Variants in GPHN observed in about 807,000 individuals in gnomAD.
The protein encoded by GPHN is gephyrin.
In GPHN, 17 loss-of-function variants were observed where a neutral mutation model predicts 95.5. The observed-to-expected ratio is 0.18, with a 90% confidence interval of 0.12 to 0.27. The LOEUF (loss-of-function observed/expected upper bound fraction) is 0.27. Ranked by LOEUF, GPHN falls within the 10% of genes least tolerant of loss-of-function variation. The pLI, the probability that GPHN is intolerant of heterozygous loss-of-function variation, is 1.00. For missense variants in GPHN, 660 were observed against 978.1 expected (o/e 0.67, Z 4.34); for synonymous variants, 320 against 322.5 (o/e 0.99, Z 0.08).
chr14:67,259,535 TCAGGAGG>T, the GPHN span, among the ~76,000 whole-genome samples: 2 of 151,906 alleles, frequency 1.3e-5, no homozygotes, highest in African/African-American at 4.8e-5. Context: ...TTGCGTGAAC[TCAGGAGG>T]CAGAGGTTGC....
At chr14:67,475,166 TG>T in the GPHN span, among the ~76,000 whole-genome samples, 2 of 152,208 alleles carry the variant, frequency 1.3e-5, no homozygotes, top group Admixed American at 1.3e-4. Context: ...CCGCCCGCCT[TG>T]GCCTCCCAAA....
the GPHN span, among the ~76,000 whole-genome samples, chr14:67,577,130 G>T: frequency 6.6e-6 from 1 of 152,166 alleles, no homozygotes; most frequent in Admixed American, 6.5e-5. Context: ...GGTGCTCATT[G>T]CAGTGCCCAC....
chr14:66,657,616 G>A (rs2065379866), intron 1 of GPHN, among the ~76,000 whole-genome samples: 1 of 152,068 alleles, frequency 6.6e-6, no homozygotes, highest in Admixed American at 6.6e-5. Flanking sequence ...GTAAATCATA[G>A]GTCCCTTAAG....
Position 66,697,972 on chromosome 14 carries a change from C to T in GPHN, c.143+16787C>T, listed in dbSNP as rs571234706. On this transcript the variant is annotated intron_variant, in intron 2 of 22. Coordinates refer to ENST00000478722, the MANE Select transcript of GPHN (RefSeq NM_020806.5). ...AGCCTCCCAAAGTGCTGGGAATGAG[C>T]CACTGTGCCCAGCCTGCTGCCTGGT... 5.3e-5 allele frequency among the ~76,000 whole-genome samples: 8 copies of T among 152,082 alleles called. No individual in the cohort carries two copies. In the East Asian group the frequency reaches 1.5e-3, roughly 29 times the overall value.
rs1056191733 is a variant in GPHN, at chr14:67,075,072, A to G, written c.1145-13911A>G. Reference sequence around the variant, plus strand: ...GATGCCTTCTAGGACTTTCATTGCTATAGAGGAAAAATTAATTCCTGTCTT... The same window carrying G: ...GATGCCTTCTAGGACTTTCATTGCTGTAGAGGAAAAATTAATTCCTGTCTT... On this transcript the variant is annotated intron_variant, in intron 11 of 22. Coordinates refer to ENST00000478722, the MANE Select transcript of GPHN (RefSeq NM_020806.5). Among the ~76,000 whole-genome samples, 6 of 152,216 alleles carry G rather than the reference A, an allele frequency of 3.9e-5. No individual in the cohort carries two copies. In the East Asian group the frequency reaches 1.2e-3, roughly 29 times the overall value.
intron 2 of GPHN, among the ~76,000 whole-genome samples, chr14:66,746,601 A>G (rs1403586275): frequency 6.7e-6 from 1 of 150,214 alleles, no homozygotes; most frequent in African/African-American, 2.5e-5. Context: ...AAAGTTCAAA[A>G]CAACTTTATG....
chr14:67,651,966 T>C, the GPHN span, among the ~76,000 whole-genome samples: 1 of 152,232 alleles, frequency 6.6e-6, no homozygotes, highest in Non-Finnish European at 1.5e-5. Context: ...AAAATTTTCC[T>C]ATCTGTTGTT....
chr14:67,658,019 G>C, the GPHN span, among the ~76,000 whole-genome samples: 2 of 152,156 alleles, frequency 1.3e-5, no homozygotes, highest in African/African-American at 2.4e-5. Flanking sequence ...AAGGTGCTGG[G>C]ATTACAGGCG....
chr14:67,726,516 T>C, the GPHN span, among the ~76,000 whole-genome samples: 1 of 152,084 alleles, frequency 6.6e-6, no homozygotes, highest in African/African-American at 2.4e-5. Flanking sequence ...AAGCCATGGG[T>C]TGGTCCACGG....
chr14:67,431,391 C>CAAAAAA, the GPHN span, among the ~76,000 whole-genome samples: 5 of 77,514 alleles, frequency 6.5e-5, no homozygotes, highest in South Asian at 4.5e-4. Context: ...GACTCTGTCT[C>CAAAAAA]AAAAAAAAAA....
chr14:67,075,712 A>C (rs1045672439), intron 11 of GPHN, among the ~76,000 whole-genome samples: 1 of 152,320 alleles, frequency 6.6e-6, no homozygotes. Flanking sequence ...TCACTGCTTC[A>C]GTGGAAGAAG....
At chr14:66,819,768 C>T (rs1157930696) in intron 3 of GPHN, among the ~76,000 whole-genome samples, 2 of 151,954 alleles carry the variant, frequency 1.3e-5, no homozygotes, top group Non-Finnish European at 2.9e-5. Flanking sequence ...TACTTCAAAG[C>T]TAACTACCCA....
chr14:67,664,409 A>T, the GPHN span, among the ~76,000 whole-genome samples: 1 of 152,186 alleles, frequency 6.6e-6, no homozygotes, highest in African/African-American at 2.4e-5. Context: ...ATGCTGTTGC[A>T]CGTATGGGGA....
At chr14:67,215,388 C>G in the GPHN span, among the ~76,000 whole-genome samples, 2 of 148,996 alleles carry the variant, frequency 1.3e-5, no homozygotes, top group South Asian at 4.3e-4. Context: ...AAATTTCTCC[C>G]CAGAACACTG....
chr14:66,573,533 A>C (rs571312187), intron 1 of GPHN, among the ~76,000 whole-genome samples: 1 of 148,928 alleles, frequency 6.7e-6, no homozygotes, highest in East Asian at 2.0e-4. Flanking sequence ...GCTCATTGCA[A>C]CCTCTGCCTC....
intron 18 of GPHN, among the ~76,000 whole-genome samples, chr14:67,147,092 TTTTC>T (rs1418463225): frequency 3.9e-5 from 6 of 152,154 alleles, no homozygotes; most frequent in Admixed American, 3.9e-4. Context: ...CATAAAAAAA[TTTTC>T]TTTAATATTT....
chr14:67,618,586 G>T, the GPHN span, among the ~76,000 whole-genome samples: 3 of 151,432 alleles, frequency 2.0e-5, no homozygotes, highest in Non-Finnish European at 4.4e-5. Context: ...TCACTATGCT[G>T]CCCAGGCTGG....
chr14:66,666,347 G>T (rs867343058), intron 1 of GPHN, among the ~76,000 whole-genome samples: 18 of 150,960 alleles, frequency 1.2e-4, no homozygotes, highest in African/African-American at 3.4e-4. Flanking sequence ...ATTTTATATG[G>T]TTTACATTTT....
intron 1 of GPHN, among the ~76,000 whole-genome samples, chr14:66,538,709 T>A (rs1035946170): frequency 2.6e-5 from 4 of 151,826 alleles, no homozygotes; most frequent in African/African-American, 9.7e-5. Context: ...TTTAAAGCCA[T>A]TGTCTCCTAA....
Sources: allele counts gnomAD v4.1 joint callset (sites outside exome capture counted in the v4.1 genomes callset), GRCh38; gene constraint gnomAD v4.1.1; transcripts MANE v1.5; gene names NCBI Gene and HGNC (gene_info 2026-07-23, HGNC 2026-07-21).